Variants in SSH2 observed in about 807,000 individuals in gnomAD.
SSH2 encodes protein phosphatase Slingshot homolog 2.
Under a neutral mutation model 135.2 loss-of-function variants are expected in SSH2, and 37 were observed. That is an observed-to-expected ratio of 0.27 (90% confidence interval 0.21 to 0.36). The LOEUF (loss-of-function observed/expected upper bound fraction) is 0.36. SSH2 is among the 10% of genes least tolerant of loss of function. SSH2 has a pLI of 1.00. For missense variants in SSH2, 1,408 were observed against 1,765.3 expected (o/e 0.80, Z 3.63); for synonymous variants, 628 against 646.2 (o/e 0.97, Z 0.43).
intron 1 of SSH2, chr17:29,856,172 A>G (rs1459993394): frequency 6.5e-6 from 2 of 307,858 alleles, no homozygotes; most frequent in African/African-American, 2.3e-5. Flanking sequence ...TCTTAAGTCC[A>G]GAAAAATGTA....
intron 2 of SSH2, among the ~76,000 whole-genome samples, chr17:29,845,152 GA>G (rs1183112209): frequency 2.0e-5 from 3 of 152,202 alleles, no homozygotes; most frequent in Non-Finnish European, 4.4e-5. Flanking sequence ...CAAAATTGAA[GA>G]GAAAGTTCTT....
At chr17:29,701,889 A>ATTTTTTTT (rs35686014) in intron 4 of SSH2, among the ~76,000 whole-genome samples, 1 of 129,164 alleles carries the variant, frequency 7.7e-6, no homozygotes. Context: ...CTAATTTAAA[A>ATTTTTTTT]TTTTTTTTTT....
At chr17:29,906,244 C>T (rs1269245308) in intron 1 of SSH2, among the ~76,000 whole-genome samples, 1 of 152,052 alleles carries the variant, frequency 6.6e-6, no homozygotes, top group African/African-American at 2.4e-5. Context: ...CTTAACCTGA[C>T]AAAAACAAGC....
chr17:29,783,318 T>TA (rs1555633079), intron 3 of SSH2, among the ~76,000 whole-genome samples: 4 of 142,126 alleles, frequency 2.8e-5, no homozygotes, highest in Admixed American at 7.2e-5. Context: ...ATAACATATA[T>TA]TATATATATA....
At chr17:29,689,088 G>A (rs979100527) in intron 5 of SSH2, among the ~76,000 whole-genome samples, 40 of 152,170 alleles carry the variant, frequency 2.6e-4, no homozygotes, top group South Asian at 4.1e-4. Context: ...AACCCAGGAG[G>A]AGGAGGTTGC....
chr17:29,863,118 G>C (rs2065793500), intron 1 of SSH2, among the ~76,000 whole-genome samples: 2 of 152,054 alleles, frequency 1.3e-5, no homozygotes, highest in Admixed American at 1.3e-4. Context: ...ACCATATGTG[G>C]CTTTTGGCAT....
At chr17:29,880,973 A>C (rs2066128241) in intron 1 of SSH2, among the ~76,000 whole-genome samples, 1 of 152,170 alleles carries the variant, frequency 6.6e-6, no homozygotes, top group African/African-American at 2.4e-5. Context: ...ATCCCACAAC[A>C]ATTCATTTAT....
chr17:29,690,917 T>TAC (rs150436102), intron 5 of SSH2, among the ~76,000 whole-genome samples: 321 of 150,048 alleles, frequency 2.1e-3, no homozygotes, highest in African/African-American at 6.2e-3. Context: ...TCTCACTCTT[T>TAC]ACACACACAC....
At chr17:29,734,201 A>G (rs2151192878) in intron 3 of SSH2, among the ~76,000 whole-genome samples, 1 of 152,268 alleles carries the variant, frequency 6.6e-6, no homozygotes, top group African/African-American at 2.4e-5. Context: ...GATTATAGGC[A>G]TGAGCCACCG....
At chr17:29,847,918 A>T (rs1283295552) in intron 2 of SSH2, among the ~76,000 whole-genome samples, 2 of 152,322 alleles carry the variant, frequency 1.3e-5, no homozygotes, top group East Asian at 3.9e-4. Context: ...CATGTAATTG[A>T]AAGTGGGTAT....
intron 3 of SSH2, among the ~76,000 whole-genome samples, chr17:29,740,837 AT>A: frequency 6.6e-6 from 1 of 152,368 alleles, no homozygotes; most frequent in Admixed American, 6.5e-5. Context: ...CAAGGTCTGA[AT>A]TAATTTGCTA....
intron 14 of SSH2, among the ~76,000 whole-genome samples, chr17:29,644,073 GACT>G (rs1482656380): frequency 1.3e-5 from 2 of 152,202 alleles, no homozygotes; most frequent in African/African-American, 4.8e-5. Flanking sequence ...CCACTACAGA[GACT>G]ACTTTTTTGT....
chr17:29,666,067 G>A (rs142985790), intron 11 of SSH2, among the ~76,000 whole-genome samples: 5 of 152,210 alleles, frequency 3.3e-5, no homozygotes, highest in Admixed American at 6.5e-5. Context: ...GGCCAGGCGC[G>A]ATGGCTCATG....
At chr17:29,762,210 A>G (rs1171285776) in intron 3 of SSH2, among the ~76,000 whole-genome samples, 1 of 151,962 alleles carries the variant, frequency 6.6e-6, no homozygotes, top group Non-Finnish European at 1.5e-5. Flanking sequence ...AGTTGAAGTA[A>G]TGGTCAAACA....
Position 29,631,815 on chromosome 17 carries a change from G to C in SSH2, c.3379C>G (p.Pro1127Ala), listed in dbSNP as rs756088496. The C allele has an allele frequency of 5.6e-6, 9 of 1,614,196 alleles. No homozygotes were observed. The East Asian group carries it at 8.9e-5, about 16-fold the overall frequency. Residue 1127 changes from proline (P) to alanine (A), a missense_variant, in exon 16 of 16, where the codon CCT becomes GCT. By Grantham distance (27) the Pro-to-Ala change is conservative. Transcript: ENST00000540801. ...GACAGGCTGCTGCCTCTGTCTTCAG[G>C]GCTACTCAGGATGGAGGTTGGATGG... Reference protein sequence around the residue: ...TDHPTSILSSPEDRGSSLSTA... With the variant: ...TDHPTSILSSAEDRGSSLSTA...
intron 1 of SSH2, among the ~76,000 whole-genome samples, chr17:29,879,910 G>C (rs1312767410): frequency 6.6e-6 from 1 of 152,148 alleles, no homozygotes; most frequent in Admixed American, 6.5e-5. Context: ...AGATGTAAGA[G>C]ACTAGAATGT....
chr17:29,659,592 C>T (rs1454791718), intron 11 of SSH2, among the ~76,000 whole-genome samples: 7 of 152,180 alleles, frequency 4.6e-5, no homozygotes, highest in South Asian at 2.1e-4. Flanking sequence ...GGCACCATCT[C>T]GGATCACTGC....
chr17:29,907,582 T>C (rs2066679054), intron 1 of SSH2, among the ~76,000 whole-genome samples: 1 of 152,270 alleles, frequency 6.6e-6, no homozygotes, highest in African/African-American at 2.4e-5. Context: ...CTTTCGAATA[T>C]ACAAGCTCTG....
At chr17:29,864,946 ATAAAT>A (rs1289668785) in intron 1 of SSH2, among the ~76,000 whole-genome samples, 2 of 152,222 alleles carry the variant, frequency 1.3e-5, no homozygotes, top group Admixed American at 6.5e-5. Context: ...TAATTCAGAT[ATAAAT>A]TAAAGTTTCA....
Sources: allele counts gnomAD v4.1 joint callset (sites outside exome capture counted in the v4.1 genomes callset), GRCh38; gene constraint gnomAD v4.1.1; transcripts MANE v1.5; gene names NCBI Gene and HGNC (gene_info 2026-07-23, HGNC 2026-07-21).